The following GTF2IRD2B variants were observed in gnomAD, a reference collection of about 807,000 sequenced individuals.
GTF2IRD2B encodes the protein general transcription factor II-I repeat domain-containing protein 2B.
In GTF2IRD2B, 10 loss-of-function variants were observed where a neutral mutation model predicts 55.6. The observed-to-expected ratio is 0.18, with a 90% confidence interval of 0.11 to 0.31. The LOEUF is 0.31. Among genes scored for constraint, GTF2IRD2B ranks in the 10% least tolerant of loss-of-function variants. The pLI is 1.00. For missense variants in GTF2IRD2B, 206 were observed against 802.7 expected, an observed-to-expected ratio of 0.26 and a Z score of 8.98; for synonymous variants, 107 against 320.5, an observed-to-expected ratio of 0.33 and a Z score of 7.12.
intron 9 of GTF2IRD2B, among the ~76,000 whole-genome samples, chr7:75,133,766 A>G: frequency 7.0e-6 from 1 of 143,110 alleles, no homozygotes; most frequent in Non-Finnish European, 1.5e-5. Flanking sequence ...CTGGTCTCGA[A>G]CTCCTGACCT....
At chr7:75,121,188 C>G (rs1317871710) in intron 4 of GTF2IRD2B, among the ~76,000 whole-genome samples, 178 bp downstream of exon 4, 2 of 150,458 alleles carry the variant, frequency 1.3e-5, no homozygotes, top group African/African-American at 2.4e-5. Flanking sequence ...AGGCGCCCAC[C>G]ACCACACCCA....
intron 2 of GTF2IRD2B, among the ~76,000 whole-genome samples, 169 bp downstream of exon 2, chr7:75,109,232 G>A (rs1807887792): frequency 6.9e-6 from 1 of 145,082 alleles, no homozygotes; most frequent in African/African-American, 2.4e-5. Flanking sequence ...TCAGCTCACG[G>A]CAACCTCTGC....
At chr7:75,115,105 T>C (rs1477979842) in intron 3 of GTF2IRD2B, among the ~76,000 whole-genome samples, 1 of 126,116 alleles carries the variant, frequency 7.9e-6, no homozygotes, top group Non-Finnish European at 1.7e-5. Flanking sequence ...GCTTTTTTTT[T>C]TTTTTTTTTT....
intron 1 of GTF2IRD2B, among the ~76,000 whole-genome samples, chr7:75,093,066 C>T (rs1217018698): frequency 2.0e-5 from 3 of 152,304 alleles, no homozygotes; most frequent in African/African-American, 4.8e-5. Context: ...CGTGATGCCA[C>T]GCTCCGCCCG....
rs587638868 is a variant in GTF2IRD2B at position 75,133,575 on chromosome 7, C to T, written c.748+363C>T. ...TTTTTTTTTTTGAGACAGAATCTCA[C>T]TCTGTTGCCCAAGCTGGAGTTCAGT... On this transcript the variant is annotated intron_variant, in intron 9 of 15. Transcript: ENST00000472837. Among the ~76,000 whole-genome samples, 5 of 147,854 alleles carry T rather than the reference C, an allele frequency of 3.4e-5. No individual in the cohort carries two copies. The South Asian group carries it at 1.0e-3, about 31-fold the overall frequency.
intron 3 of GTF2IRD2B, among the ~76,000 whole-genome samples, chr7:75,114,779 A>G (rs587757955): frequency 7.1e-4 from 107 of 149,808 alleles, no homozygotes; most frequent in African/African-American, 2.5e-3. Flanking sequence ...TTTCTTTTTT[A>G]TGGCCGCAGG....
In GTF2IRD2B at chr7:75,148,316, G is replaced by C. The variant is rs782628332; in HGVS notation, c.1869G>C (p.Ala623=). 6.8e-6 allele frequency: 11 copies of C among 1,613,614 alleles called. No homozygotes were observed. The highest frequency in any genetic ancestry group is 8.5e-6 in the Non-Finnish European group (10 of 1,179,812). Residue 623 remains alanine (A), a synonymous_variant, in exon 16 of 16, where the codon GCG becomes GCC. Transcript: ENST00000472837. Reference sequence around the variant, plus strand: ...GCGTGGCCTCCACTGGCACCCCAGCGATGGTGGATGCCAATAACGGGCTTG... The same window carrying C: ...GCGTGGCCTCCACTGGCACCCCAGCCATGGTGGATGCCAATAACGGGCTTG... ...LVSVASTGTP[A]MVDANNGLVT...
intron 1 of GTF2IRD2B, among the ~76,000 whole-genome samples, chr7:75,105,757 C>T (rs1807777230): frequency 6.6e-6 from 1 of 152,308 alleles, no homozygotes; most frequent in Non-Finnish European, 1.5e-5. Flanking sequence ...TCCAGACTGG[C>T]TAGGGTGTGC....
At chr7:75,106,140 C>T (rs1195815640) in intron 1 of GTF2IRD2B, among the ~76,000 whole-genome samples, 14 of 152,428 alleles carry the variant, frequency 9.2e-5, no homozygotes, top group Non-Finnish European at 1.5e-4. Flanking sequence ...CAGTGGCTCA[C>T]GCCTGTAATC....
At chr7:75,116,632 T>G (rs1345685854) in intron 3 of GTF2IRD2B, among the ~76,000 whole-genome samples, 7 of 121,918 alleles carry the variant, frequency 5.7e-5, no homozygotes, top group African/African-American at 1.6e-4. Flanking sequence ...AGGGCATCTT[T>G]GCCATTTCTT....
At chr7:75,129,083 AAGG>A (rs1808587683) in intron 8 of GTF2IRD2B, among the ~76,000 whole-genome samples, 1 of 147,146 alleles carries the variant, frequency 6.8e-6, no homozygotes, top group African/African-American at 2.5e-5. Context: ...TGTCACACCC[AAGG>A]ATCTTTTCGC....
chr7:75,101,546 G>A (rs1232169505), intron 1 of GTF2IRD2B, among the ~76,000 whole-genome samples: 1 of 151,028 alleles, frequency 6.6e-6, no homozygotes, highest in Non-Finnish European at 1.5e-5. Flanking sequence ...TCATGGCACT[G>A]CACTTCAGCC....
At chr7:75,132,939 C>A (rs1386632721) in intron 8 of GTF2IRD2B, among the ~76,000 whole-genome samples, 196 bp from the exon 9 acceptor site, 5 of 137,748 alleles carry the variant, frequency 3.6e-5, no homozygotes, top group South Asian at 2.2e-4. Flanking sequence ...TGTATGTTTT[C>A]TATATGTATA....
At chr7:75,130,901 GT>G (rs1554452895) in intron 8 of GTF2IRD2B, among the ~76,000 whole-genome samples, 1 of 52,152 alleles carries the variant, frequency 1.9e-5, no homozygotes, top group African/African-American at 1.0e-4. Context: ...CTATGCCACA[GT>G]TTTTTTGTTT....
At chr7:75,109,595 C>A (rs1364435708) in intron 2 of GTF2IRD2B, among the ~76,000 whole-genome samples, 1 of 68,020 alleles carries the variant, frequency 1.5e-5, no homozygotes, top group East Asian at 5.5e-4. Context: ...CCCACCTCGG[C>A]CTCCCAAAGT....
At chr7:75,115,590 A>AT (rs1163954497) in intron 3 of GTF2IRD2B, among the ~76,000 whole-genome samples, 40 of 81,564 alleles carry the variant, frequency 4.9e-4, no homozygotes, top group African/African-American at 1.4e-3. Flanking sequence ...TGCCCAGCTA[A>AT]TTTTTTTTTT....
intron 4 of GTF2IRD2B, among the ~76,000 whole-genome samples, chr7:75,122,841 C>T (rs1470819158): frequency 6.7e-6 from 1 of 150,024 alleles, no homozygotes; most frequent in African/African-American, 2.4e-5. Context: ...TGAGCTCAGC[C>T]GTTCGAGACC....
Position 75,141,191 on chromosome 7 carries a change from GT to G in GTF2IRD2B, c.1033+10del. ...ACCTCTTTAGCCGAAAATTTGGTAA[GT>G]TTTTATATCTTTTTATATCCAGAAT... On this transcript the variant is annotated splice_donor_region_variant and intron_variant, in intron 13 of 15. Coordinates refer to ENST00000472837, the MANE Select transcript of GTF2IRD2B (RefSeq NM_001003795.3). The G allele has an allele frequency of 4.8e-5, 1 of 20,700 alleles. No homozygotes were observed. Among genetic ancestry groups the G allele is most frequent in the South Asian group, 2.5e-4 (1 of 3,990 alleles). 1.3% of individuals were successfully genotyped at this position (20,700 alleles called of 1,614,324 possible).
chr7:75,132,842 C>T (rs587643611), intron 8 of GTF2IRD2B, among the ~76,000 whole-genome samples: 51 of 149,172 alleles, frequency 3.4e-4, no homozygotes, highest in South Asian at 2.3e-3. Flanking sequence ...CATGAGTCAC[C>T]GTGCCCGGTC....
Sources: allele counts gnomAD v4.1 joint callset (sites outside exome capture counted in the v4.1 genomes callset), GRCh38; gene constraint gnomAD v4.1.1; transcripts MANE v1.5; gene names NCBI Gene and HGNC (gene_info 2026-07-23, HGNC 2026-07-21).